The following PLXNA4 variants were observed in gnomAD, a reference collection of about 807,000 sequenced individuals.
PLXNA4 encodes plexin A4.
In PLXNA4, 44 loss-of-function variants were observed where a neutral mutation model predicts 191.8. That is an observed-to-expected ratio of 0.23 (90% CI 0.18 to 0.29). The LOEUF (loss-of-function observed/expected upper bound fraction) is 0.29, where lower values mean the gene tolerates loss of function less well. PLXNA4 is among the 10% of genes least tolerant of loss of function. The pLI is 1.00. For missense variants in PLXNA4, 1,800 were observed against 2,488.8 expected (o/e 0.72, Z 5.89); for synonymous variants, 1,082 against 1,009.5 (o/e 1.07, Z -1.36).
At chr7:132,208,794 C>T (rs769028066) in intron 10 of PLXNA4, among the ~76,000 whole-genome samples, 4 of 152,138 alleles carry the variant, frequency 2.6e-5, no homozygotes, top group East Asian at 1.9e-4. Context: ...CCATGGGTGC[C>T]GACCATGGTG....
chr7:132,541,134 C>T (rs1232602256), intron 1 of PLXNA4, among the ~76,000 whole-genome samples: 1 of 152,208 alleles, frequency 6.6e-6, no homozygotes, highest in Non-Finnish European at 1.5e-5. Context: ...ATGCACGATT[C>T]ACAGGTTTCC....
intron 1 of PLXNA4, among the ~76,000 whole-genome samples, chr7:132,523,810 T>C (rs1393443820): frequency 6.6e-6 from 1 of 152,112 alleles, no homozygotes; most frequent in Non-Finnish European, 1.5e-5. Flanking sequence ...TAGTCACACC[T>C]CCTTGATTTT....
intron 1 of PLXNA4, among the ~76,000 whole-genome samples, chr7:132,563,227 C>A (rs1801416728): frequency 9.3e-6 from 1 of 108,086 alleles, no homozygotes. Context: ...CCTTCTCCTC[C>A]TCTTTCTCCT....
intron 5 of PLXNA4, among the ~76,000 whole-genome samples, chr7:132,230,321 G>C (rs1183188619): frequency 1.3e-5 from 2 of 152,178 alleles, no homozygotes; most frequent in Admixed American, 1.3e-4. Context: ...AGACTAAGCT[G>C]GTTCTTCTCG....
intron 1 of PLXNA4, among the ~76,000 whole-genome samples, chr7:132,521,378 G>A (rs35057302): frequency 6.6e-6 from 1 of 152,056 alleles, no homozygotes; most frequent in South Asian, 2.1e-4. Flanking sequence ...AATATATAGT[G>A]TACATGCCAG....
intron 3 of PLXNA4, among the ~76,000 whole-genome samples, chr7:132,414,336 C>A (rs1794577260): frequency 6.6e-6 from 1 of 152,166 alleles, no homozygotes; most frequent in African/African-American, 2.4e-5. Context: ...TTATTGGAAA[C>A]TCTCTTTTCA....
chr7:132,615,375 C>A (rs1452532494), intron 2 of PLXNA4, among the ~76,000 whole-genome samples: 3 of 152,130 alleles, frequency 2.0e-5, no homozygotes, highest in Non-Finnish European at 4.4e-5. Flanking sequence ...GGACTGCCGC[C>A]GTGGGGACTT....
At chr7:132,628,359 T>G (rs760177574) in intron 2 of PLXNA4, among the ~76,000 whole-genome samples, 1 of 150,264 alleles carries the variant, frequency 6.7e-6, no homozygotes, top group Non-Finnish European at 1.5e-5. Context: ...TCGCTCTCTC[T>G]CTCTCTCTGT....
At chr7:132,174,469 C>T (rs888527412) in intron 21 of PLXNA4, among the ~76,000 whole-genome samples, 1 of 152,186 alleles carries the variant, frequency 6.6e-6, no homozygotes, top group Non-Finnish European at 1.5e-5. Flanking sequence ...ATGTATTTGC[C>T]GTGTTTCTTG....
intron 3 of PLXNA4, among the ~76,000 whole-genome samples, chr7:132,438,668 G>A (rs571355283): frequency 1.3e-5 from 2 of 152,268 alleles, no homozygotes; most frequent in South Asian, 2.1e-4. Flanking sequence ...GCCACTTGCT[G>A]GTAATTAGGC....
chr7:132,451,013 A>G (rs1796101642), intron 3 of PLXNA4, among the ~76,000 whole-genome samples: 1 of 152,184 alleles, frequency 6.6e-6, no homozygotes, highest in African/African-American at 2.4e-5. Context: ...CTGTAGCCAC[A>G]CCTTCAAGGT....
chr7:132,574,025 A>G (rs949220373), intron 1 of PLXNA4, among the ~76,000 whole-genome samples: 1 of 152,194 alleles, frequency 6.6e-6, no homozygotes, highest in Non-Finnish European at 1.5e-5. Flanking sequence ...AACGTAATGT[A>G]TACTCCGCTT....
At chr7:132,193,624 C>T (rs1476105996) in intron 14 of PLXNA4, among the ~76,000 whole-genome samples, 2 of 152,284 alleles carry the variant, frequency 1.3e-5, no homozygotes, top group Non-Finnish European at 2.9e-5. Context: ...GGGGTTGATA[C>T]TATTATTATC....
At chr7:132,574,755 A>G (rs1306898209) in intron 1 of PLXNA4, among the ~76,000 whole-genome samples, 1 of 152,210 alleles carries the variant, frequency 6.6e-6, no homozygotes, top group East Asian at 1.9e-4. Context: ...GCCTAGCCAG[A>G]GACCTTTGCA....
At chr7:132,204,530 G>A (rs962737079) in intron 10 of PLXNA4, among the ~76,000 whole-genome samples, 5 of 152,210 alleles carry the variant, frequency 3.3e-5, no homozygotes, top group African/African-American at 9.6e-5. Flanking sequence ...GTTTGAAGCT[G>A]TGTTTGCAGG....
intron 2 of PLXNA4, among the ~76,000 whole-genome samples, chr7:132,608,614 C>G (rs1181109556): frequency 6.6e-6 from 1 of 152,148 alleles, no homozygotes; most frequent in Non-Finnish European, 1.5e-5. Flanking sequence ...CCAAGTTTGC[C>G]CAGTCTCTCC....
chr7:132,645,669 T>C (rs1239313424), intron 2 of PLXNA4, among the ~76,000 whole-genome samples: 1 of 152,204 alleles, frequency 6.6e-6, no homozygotes, highest in Non-Finnish European at 1.5e-5. Context: ...TGTAGAGTTG[T>C]TGAATGCATA....
intron 30 of PLXNA4, among the ~76,000 whole-genome samples, chr7:132,139,179 C>A (rs561100571): frequency 1.3e-5 from 2 of 152,280 alleles, no homozygotes; most frequent in Non-Finnish European, 1.5e-5. Context: ...GCATGTCCAC[C>A]ACCTGCATCA....
chr7:132,156,141 C>CAA, intron 25 of PLXNA4, among the ~76,000 whole-genome samples: 1 of 131,684 alleles, frequency 7.6e-6, no homozygotes, highest in South Asian at 2.3e-4. Flanking sequence ...GACATACACA[C>CAA]ACACACACAC....
Sources: gnomAD v4.1 joint callset for allele counts (sites outside exome capture counted in the v4.1 genomes callset) on GRCh38, gnomAD v4.1.1 for gene constraint, MANE v1.5 for transcripts, NCBI Gene and HGNC (gene_info 2026-07-23, HGNC 2026-07-21) for gene names.